SYNPO2: variants seen among roughly 807,000 people sequenced by gnomAD.
The protein encoded by SYNPO2 is synaptopodin 2.
A neutral mutation model predicts 85.0 loss-of-function variants in SYNPO2; 56 were observed. The ratio of observed to expected loss-of-function variants is 0.66; its 90% CI spans 0.53 to 0.82. The LOEUF (loss-of-function observed/expected upper bound fraction) is 0.82. Among genes scored for constraint, SYNPO2 ranks in the 40% least tolerant of loss-of-function variants. SYNPO2 has a pLI of 0.00. For synonymous variants in SYNPO2, 602 were observed against 591.1 expected, an observed-to-expected ratio of 1.02 and a Z score of -0.27; for missense variants, 1,575 against 1,534.2, an observed-to-expected ratio of 1.03 and a Z score of -0.44.
At chr4:118,966,858 ATG>A (rs997359601) in intron 1 of SYNPO2, among the ~76,000 whole-genome samples, 1 of 152,182 alleles carries the variant, frequency 6.6e-6, no homozygotes, top group African/African-American at 2.4e-5. Context: ...GAATCTACTC[ATG>A]TACTTGAAGA....
chr4:118,858,279 T>G (rs1221157483), intron 1 of SYNPO2, among the ~76,000 whole-genome samples: 1 of 152,206 alleles, frequency 6.6e-6, no homozygotes, highest in Admixed American at 6.5e-5. Flanking sequence ...TAGACACTTT[T>G]CATTTAAGTT....
intron 1 of SYNPO2, among the ~76,000 whole-genome samples, chr4:118,944,789 C>CT (rs1432724133): frequency 4.6e-5 from 7 of 152,234 alleles, no homozygotes; most frequent in African/African-American, 1.7e-4. Context: ...TATGATGTAT[C>CT]TAACAATTTT....
intron 1 of SYNPO2, among the ~76,000 whole-genome samples, chr4:118,861,549 T>C (rs943798868): frequency 6.6e-6 from 1 of 152,200 alleles, no homozygotes; most frequent in African/African-American, 2.4e-5. Flanking sequence ...CTAGTTTCTT[T>C]CTTCTGCATA....
rs1281647616 is a variant in SYNPO2, at chr4:119,007,261, T to TGTATATACATATATATATATGTATATAC, written c.106-16169_106-16168insGTATATACATATATATATATGTATATAC. Among the ~76,000 whole-genome samples the TGTATATACATATATATATATGTATATAC allele has an allele frequency of 1.0e-4, 3 of 29,362 alleles. 1 individual carries two copies. Among genetic ancestry groups the TGTATATACATATATATATATGTATATAC allele is most frequent in the South Asian group, 3.0e-3 (2 of 674 alleles). The allele number at this position is 29,362 out of a possible 152,430, so 19.3% of individuals were successfully genotyped here. On this transcript the variant is annotated intron_variant, in intron 1 of 4. Coordinates refer to ENST00000307142, the MANE Select transcript of SYNPO2 (RefSeq NM_133477.3). ...ATATATATATGTATATACATATATATATATATATATATATGTATATACATA... is the reference window on the plus strand; with the variant it reads ...ATATATATATGTATATACATATATATGTATATACATATATATATATGTATATACATATATATATATATGTATATACATA...
intron 1 of SYNPO2, among the ~76,000 whole-genome samples, chr4:118,911,534 T>C (rs1733137306): frequency 1.3e-5 from 2 of 152,308 alleles, no homozygotes; most frequent in South Asian, 4.1e-4. Context: ...CGTTCTTTCT[T>C]TTGTTGTTTT....
At chr4:118,954,553 C>T (rs954380318) in intron 1 of SYNPO2, among the ~76,000 whole-genome samples, 1 of 152,196 alleles carries the variant, frequency 6.6e-6, no homozygotes, top group Non-Finnish European at 1.5e-5. Flanking sequence ...GCTGAAGCCA[C>T]ACTAGGCATA....
intron 4 of SYNPO2, chr4:119,038,018 TA>T: frequency 2.3e-6 from 1 of 436,418 alleles, no homozygotes; most frequent in Non-Finnish European, 3.0e-6. Flanking sequence ...ATGAGGTATC[TA>T]AGCTCAGAGA....
At chr4:119,035,092 G>A (rs1042793529) in intron 4 of SYNPO2, 8 of 985,426 alleles carry the variant, frequency 8.1e-6, no homozygotes, top group Non-Finnish European at 9.6e-6. Context: ...GGTGCCTTAT[G>A]TATATTATCC....
upstream of SYNPO2, among the ~76,000 whole-genome samples, chr4:118,886,965 T>C (rs767720399): frequency 1.3e-5 from 2 of 152,172 alleles, no homozygotes; most frequent in Non-Finnish European, 2.9e-5. Flanking sequence ...CCTTGAATAA[T>C]GCCATTTTAT....
rs1048280472 is a variant in SYNPO2 at position 119,031,558 on chromosome 4, T to G, written c.2783T>G (p.Ile928Ser). The change falls in exon 4 of 5, where the codon ATC becomes AGC. Residue 928 changes from isoleucine (I) to serine (S), a missense_variant. Ile to Ser is a moderately radical substitution (Grantham distance 142, BLOSUM62 -2). Around this residue, in one of 3 missense-constraint regions of SYNPO2, gnomAD observed 1,508 missense variants for 1,446.8 expected, o/e 1.04. Transcript: ENST00000307142. The part of the protein sequence containing the change: ...RAPPPVAYNP[I>S]HSPSYPLAAL... ...CCTCCTCCTGTGGCCTATAATCCTA[T>G]CCACTCGCCGTCTTACCCACTGGCT... 6 of 1,613,876 alleles carry G rather than the reference T, an allele frequency of 3.7e-6. No homozygotes were observed. Among genetic ancestry groups the G allele is most frequent in the Non-Finnish European group, 5.1e-6 (6 of 1,179,986 alleles).
intron 1 of SYNPO2, among the ~76,000 whole-genome samples, chr4:118,944,511 A>G (rs1277062113): frequency 2.0e-5 from 3 of 152,208 alleles, no homozygotes; most frequent in Non-Finnish European, 2.9e-5. Context: ...ATAGCAACAA[A>G]TATCAGCCAA....
chr4:119,035,477 T>A, intron 4 of SYNPO2: 1 of 985,418 alleles, frequency 1.0e-6, no homozygotes, highest in Non-Finnish European at 1.2e-6. Context: ...GCATTGGTAG[T>A]GTAAAGCATA....
chr4:118,998,683 A>T (rs1578628451), intron 1 of SYNPO2, among the ~76,000 whole-genome samples: 2 of 152,294 alleles, frequency 1.3e-5, no homozygotes, highest in Middle Eastern at 3.4e-3. Context: ...TTTAACAGGG[A>T]TCTTAACTTC....
intron 4 of SYNPO2, chr4:119,034,723 C>A: frequency 1.0e-6 from 1 of 985,514 alleles, no homozygotes; most frequent in Non-Finnish European, 1.2e-6. Flanking sequence ...AACCAGCTCC[C>A]TGGAGTAAGA....
At chr4:118,876,701 CTTTCTTTCTTTCTTTCTTT>C (rs1443117499) in intron 1 of SYNPO2, among the ~76,000 whole-genome samples, 1 of 118,444 alleles carries the variant, frequency 8.4e-6, no homozygotes, top group Non-Finnish European at 1.7e-5. Context: ...TTCTTTCTTT[CTTTCTTTCTTTCTTTCTTT>C]CTTTCTTTCT....
At chr4:118,976,455 G>C (rs954312423) in intron 1 of SYNPO2, among the ~76,000 whole-genome samples, 5 of 152,308 alleles carry the variant, frequency 3.3e-5, no homozygotes, top group South Asian at 2.1e-4. Flanking sequence ...CTTCCACACT[G>C]TGGAAGGGGA....
intron 2 of SYNPO2, 23 bp downstream of exon 2, chr4:119,023,604 T>C (rs373611447): frequency 1.0e-5 from 16 of 1,602,090 alleles, no homozygotes; most frequent in South Asian, 3.4e-5. Flanking sequence ...TGCTGGAATA[T>C]GTATTTTCTC....
intron 1 of SYNPO2, among the ~76,000 whole-genome samples, chr4:118,862,211 T>G (rs1169590259): frequency 6.6e-6 from 1 of 152,206 alleles, no homozygotes; most frequent in Non-Finnish European, 1.5e-5. Flanking sequence ...CAAATTTGTT[T>G]ATCAGTTCTA....
chr4:119,056,550 C>T (rs1739211961), intron 4 of SYNPO2, among the ~76,000 whole-genome samples: 1 of 151,942 alleles, frequency 6.6e-6, no homozygotes. Flanking sequence ...AATGAGACCC[C>T]AACTCTATAT....
Sources: gnomAD v4.1 joint callset for allele counts (sites outside exome capture counted in the v4.1 genomes callset) on GRCh38, gnomAD v4.1.1 for gene constraint, gnomAD v4.1.1 regional missense constraint, MANE v1.5 for transcripts, NCBI Gene and HGNC (gene_info 2026-07-23, HGNC 2026-07-21) for gene names.